The following VWA8 variants were observed in gnomAD, a reference collection of about 807,000 sequenced individuals.
VWA8 encodes the protein von Willebrand factor A domain-containing protein 8.
Under a neutral mutation model 241.5 loss-of-function variants are expected in VWA8, and 221 were observed. The ratio of observed to expected loss-of-function variants is 0.91; its 90% confidence interval spans 0.82 to 1.02. The LOEUF (loss-of-function observed/expected upper bound fraction) is 1.02. VWA8 is among the 50% of genes least tolerant of loss of function. The pLI, the probability that VWA8 is intolerant of heterozygous loss-of-function variation, is 0.00. For synonymous variants in VWA8, 852 were observed against 827.1 expected, an observed-to-expected ratio of 1.03 and a Z score of -0.52; for missense variants, 2,322 against 2,328.7, an observed-to-expected ratio of 1.00 and a Z score of 0.06.
At chr13:41,712,097 G>A (rs1386513812) in intron 26 of VWA8, among the ~76,000 whole-genome samples, 2 of 152,124 alleles carry the variant, frequency 1.3e-5, no homozygotes, top group Non-Finnish European at 2.9e-5. Flanking sequence ...GGAAGGTTGA[G>A]TGGGTGGGAG....
intron 40 of VWA8, among the ~76,000 whole-genome samples, chr13:41,600,661 T>G (rs1182192408): frequency 1.3e-5 from 2 of 152,164 alleles, no homozygotes; most frequent in Non-Finnish European, 2.9e-5. Flanking sequence ...AACATCGTGC[T>G]TGATATTTTT....
chr13:41,594,418 A>T (rs1471206912), intron 40 of VWA8, among the ~76,000 whole-genome samples: 1 of 152,024 alleles, frequency 6.6e-6, no homozygotes, highest in Non-Finnish European at 1.5e-5. Flanking sequence ...GTGTGAGCTA[A>T]TTTTTGTGAT....
At chr13:41,575,445 C>T (rs2044344476) in intron 43 of VWA8, among the ~76,000 whole-genome samples, 3 of 152,108 alleles carry the variant, frequency 2.0e-5, no homozygotes, top group Non-Finnish European at 2.9e-5. Flanking sequence ...TCTTTTCCTT[C>T]TATTGCACAT....
In VWA8 at chr13:41,590,902, A is replaced by G. The variant is rs915885133; in HGVS notation, c.4987-137T>C. ...GGTTCTGCATGAACACAGTCATATA[A>G]ATGAAGTGGTTTCTGCTCTGCTGAC... On this transcript the variant is annotated intron_variant, in intron 40 of 44. Transcript: ENST00000379310. 4 of 1,101,560 alleles carry G rather than the reference A, an allele frequency of 3.6e-6. No homozygotes were observed. In the Admixed American group the frequency reaches 8.4e-5, roughly 23 times the overall value. 68.2% of individuals were successfully genotyped at this position (1,101,560 alleles called of 1,614,324 possible).
At chr13:41,749,805 T>C (rs1593743147) in intron 21 of VWA8, among the ~76,000 whole-genome samples, 1 of 144,954 alleles carries the variant, frequency 6.9e-6, no homozygotes, top group East Asian at 2.0e-4. Context: ...AAATGAACAA[T>C]GTGGTGGGAA....
intron 2 of VWA8, among the ~76,000 whole-genome samples, chr13:41,948,355 G>C (rs192023330): frequency 3.3e-5 from 5 of 152,188 alleles, no homozygotes. Context: ...CTGGGAGGGT[G>C]GTGGGGGAGA....
intron 12 of VWA8, among the ~76,000 whole-genome samples, chr13:41,850,882 A>C (rs1872504393): frequency 6.6e-6 from 1 of 152,182 alleles, no homozygotes; most frequent in Admixed American, 6.5e-5. Context: ...ACTACCTGAC[A>C]AAGTATTCAA....
chr13:41,727,020 C>T (rs1442167915), intron 24 of VWA8, among the ~76,000 whole-genome samples, 174 bp downstream of exon 24: 2 of 151,790 alleles, frequency 1.3e-5, no homozygotes, highest in African/African-American at 2.4e-5. Flanking sequence ...AAAACAAAAA[C>T]CTCTCTGAAT....
At chr13:41,927,389 T>C (rs115202451) in intron 2 of VWA8, 1 of 498,626 alleles carries the variant, frequency 2.0e-6, no homozygotes, top group Admixed American at 2.0e-5. Flanking sequence ...CAAGCATCTT[T>C]GCACATCTGC....
At chr13:41,724,766 C>T (rs762397466) in intron 24 of VWA8, among the ~76,000 whole-genome samples, 1 of 152,072 alleles carries the variant, frequency 6.6e-6, no homozygotes, top group Non-Finnish European at 1.5e-5. Flanking sequence ...TTCCCTTTCC[C>T]CTCCATAAGC....
chr13:41,691,196 C>T, intron 32 of VWA8, 124 bp downstream of exon 32: 2 of 1,228,102 alleles, frequency 1.6e-6, no homozygotes, highest in Non-Finnish European at 2.2e-6. Context: ...TATAGAGATG[C>T]TGCCAAACAC....
chr13:41,705,914 T>C (rs2045280076), intron 26 of VWA8, among the ~76,000 whole-genome samples: 1 of 152,198 alleles, frequency 6.6e-6, no homozygotes, highest in Admixed American at 6.5e-5. Flanking sequence ...TACACATGCT[T>C]TATTAAAGCA....
At chr13:41,671,268 A>G (rs756972845) in intron 36 of VWA8, 121 bp from the exon 37 acceptor site, 7 of 1,030,744 alleles carry the variant, frequency 6.8e-6, no homozygotes, top group Non-Finnish European at 1.0e-5. Context: ...ATTATTTTAT[A>G]CCTGCTCTTA....
intron 20 of VWA8, among the ~76,000 whole-genome samples, chr13:41,765,607 T>C (rs1227919676): frequency 6.6e-6 from 1 of 152,192 alleles, no homozygotes; most frequent in Non-Finnish European, 1.5e-5. Context: ...ATAAATAGTG[T>C]CTTATTTTTC....
chr13:41,713,014 G>A (rs2045328037), intron 26 of VWA8, among the ~76,000 whole-genome samples: 2 of 152,162 alleles, frequency 1.3e-5, no homozygotes, highest in African/African-American at 2.4e-5. Flanking sequence ...TTATGCATTG[G>A]TAGGTTTAAC....
intron 20 of VWA8, among the ~76,000 whole-genome samples, chr13:41,769,822 AG>A (rs1475765153): frequency 6.6e-6 from 1 of 152,222 alleles, no homozygotes; most frequent in African/African-American, 2.4e-5. Flanking sequence ...ATTATATAAA[AG>A]TACATTGAAA....
intron 28 of VWA8, 146 bp from the exon 29 acceptor site, chr13:41,699,416 G>C (rs1758100889): frequency 2.6e-6 from 2 of 758,460 alleles, no homozygotes; most frequent in African/African-American, 3.5e-5. Context: ...TGATTAGGCT[G>C]AAAAGACCAT....
At chr13:41,709,947 A>G (rs960814156) in intron 26 of VWA8, among the ~76,000 whole-genome samples, 1 of 151,986 alleles carries the variant, frequency 6.6e-6, no homozygotes, top group African/African-American at 2.4e-5. Context: ...ACTCCTGGCT[A>G]CAAGTCAGTC....
intron 17 of VWA8, among the ~76,000 whole-genome samples, chr13:41,805,653 A>C (rs1361622826): frequency 6.6e-6 from 1 of 152,016 alleles, no homozygotes; most frequent in Non-Finnish European, 1.5e-5. Flanking sequence ...ATCTCTACTA[A>C]AAATACAAAA....
Sources: gnomAD v4.1 joint callset for allele counts (sites outside exome capture counted in the v4.1 genomes callset) on GRCh38, gnomAD v4.1.1 for gene constraint, MANE v1.5 for transcripts, NCBI Gene and HGNC (gene_info 2026-07-23, HGNC 2026-07-21) for gene names.